The following ATP1A4 variants were observed in gnomAD, a reference collection of about 807,000 sequenced individuals.
ATP1A4 encodes the protein ATPase Na+/K+ transporting subunit alpha 4, also known as sodium/potassium-transporting ATPase subunit alpha-4.
A neutral mutation model predicts 114.3 loss-of-function variants in ATP1A4; 90 were observed. The ratio of observed to expected loss-of-function variants is 0.79; its 90% CI spans 0.66 to 0.94. The LOEUF is 0.94. ATP1A4 is among the 40% of genes least tolerant of loss of function. The probability of loss-of-function intolerance (pLI) is 0.00; values close to 1 mark genes in which losing one functional copy is unlikely to be tolerated. For missense variants in ATP1A4, 1,222 were observed against 1,313.6 expected (o/e 0.93, Z 1.08); for synonymous variants, 511 against 494.1 (o/e 1.03, Z -0.45).
intron 7 of ATP1A4, among the ~76,000 whole-genome samples, chr1:160,165,392 T>C (rs1019877407): frequency 6.6e-6 from 1 of 152,228 alleles, no homozygotes; most frequent in African/African-American, 2.4e-5. Flanking sequence ...AACAAAAGTC[T>C]TTTGGTTTAA....
intron 17 of ATP1A4, 77 bp downstream of exon 17, chr1:160,176,679 G>A (rs1571031589): frequency 1.3e-6 from 2 of 1,572,010 alleles, no homozygotes; most frequent in East Asian, 4.6e-5. Flanking sequence ...ATCTCAGTTT[G>A]GAAGTCAGGG....
chr1:160,162,633 A>G (rs1286558797), intron 6 of ATP1A4, among the ~76,000 whole-genome samples: 1 of 152,218 alleles, frequency 6.6e-6, no homozygotes, highest in Non-Finnish European at 1.5e-5. Flanking sequence ...TACCCACTGC[A>G]TGCCAGTAGG....
At chr1:160,154,252 G>A (rs1249441880) in intron 2 of ATP1A4, among the ~76,000 whole-genome samples, 1 of 152,010 alleles carries the variant, frequency 6.6e-6, no homozygotes, top group Non-Finnish European at 1.5e-5. Context: ...TACTTGGGAG[G>A]CTGAGGCAGG....
intron 10 of ATP1A4, 165 bp from the exon 11 acceptor site, chr1:160,171,086 A>T: frequency 1.8e-6 from 1 of 570,858 alleles, no homozygotes; most frequent in South Asian, 3.1e-5. Flanking sequence ...AAAAAGGAGG[A>T]GGGGCTGGGT....
In ATP1A4 at chr1:160,153,181, C is replaced by T. The variant is rs150340260; in HGVS notation, c.164C>T (p.Thr55Ile). Residue 55 changes from threonine (T) to isoleucine (I), a missense_variant, in exon 2 of 22, where the codon ACC becomes ATC. Thr to Ile is a moderately conservative substitution (Grantham distance 89). Transcript: ENST00000368081. Reference sequence around the variant, plus strand: ...TCCCCTCAGGATGATCACAAATTAACCTTGGAAGAGCTGAGCACCAAGTAC... The same window carrying T: ...TCCCCTCAGGATGATCACAAATTAATCTTGGAAGAGCTGAGCACCAAGTAC... Reference protein sequence around the residue: ...KEVVMDDHKLTLEELSTKYSV... With the variant: ...KEVVMDDHKLILEELSTKYSV... 6 of 1,613,972 alleles carry T rather than the reference C, an allele frequency of 3.7e-6. No homozygotes were observed. The highest frequency in any genetic ancestry group is 2.2e-5 in the East Asian group (1 of 44,880).
rs1653503905 is a variant in ATP1A4, at chr1:160,177,292, G to T, written c.2591-227G>T. On this transcript the variant is annotated intron_variant, in intron 17 of 21. Coordinates refer to ENST00000368081, the MANE Select transcript of ATP1A4 (RefSeq NM_144699.4). Reference sequence around the variant, plus strand: ...TTTTAAGACCATGTGATTCAAAGCTGACTCTGGGTCAGAGTTTAGAAACAA... The same window carrying T: ...TTTTAAGACCATGTGATTCAAAGCTTACTCTGGGTCAGAGTTTAGAAACAA... 8.1e-6 allele frequency: 4 copies of T among 495,806 alleles called. No homozygotes were observed. In the East Asian group the frequency reaches 1.3e-4, roughly 16 times the overall value. The allele number at this position is 495,806 out of a possible 1,614,324, so 30.7% of individuals were successfully genotyped here.
chr1:160,170,544 G>T (rs1571024345), intron 10 of ATP1A4: 3 of 150,802 alleles, frequency 2.0e-5, no homozygotes, highest in African/African-American at 7.3e-5. Flanking sequence ...AGGTCATAAT[G>T]CATTCTTGCT....
At position 160,155,117 on chromosome 1, in the gene ATP1A4, A is replaced by G; in HGVS notation, c.280A>G (p.Thr94Ala). 6.3e-7 allele frequency: 1 copy of G among 1,589,482 alleles called. No homozygotes were observed. The highest frequency in any genetic ancestry group is 8.6e-7 in the Non-Finnish European group (1 of 1,165,074). Residue 94 changes from threonine (T) to alanine (A), a missense_variant, in exon 3 of 22, where the codon ACT (threonine) becomes GCT (alanine). Physicochemically the swap from Thr to Ala is moderately conservative, Grantham distance 58. Transcript: ENST00000368081. Reference protein sequence around the residue: ...GPNTVTPPPTTPEWVKFCKQL... With the variant: ...GPNTVTPPPTAPEWVKFCKQL... ...CAATACTGTTACCCCACCCCCCACC[A>G]CTCCAGAATGGGTCAAATTCTGTAA...
chr1:160,160,440 C>T (rs1026359237), intron 6 of ATP1A4, among the ~76,000 whole-genome samples: 1 of 152,200 alleles, frequency 6.6e-6, no homozygotes, highest in Non-Finnish European at 1.5e-5. Context: ...TGGTCTCGAA[C>T]TACTGACCTC....
At chr1:160,171,178 C>T (rs973590036) in intron 10 of ATP1A4, 73 bp from the exon 11 acceptor site, 44 of 1,382,092 alleles carry the variant, frequency 3.2e-5, no homozygotes, top group Non-Finnish European at 4.0e-5. Flanking sequence ...ACCTTTGAAA[C>T]CTTCCCCTTC....
intron 1 of ATP1A4, 42 bp from the exon 2 acceptor site, chr1:160,153,123 T>A: frequency 6.4e-7 from 1 of 1,562,596 alleles, no homozygotes; most frequent in East Asian, 2.2e-5. Flanking sequence ...GGAAATGACC[T>A]GGGCCACCCC....
Position 160,167,497 on chromosome 1 carries a change from C to T in ATP1A4, c.1491+85C>T, listed in dbSNP as rs560271266. The stretch of plus-strand genomic sequence containing the variant: ...AGGGGAGCTTTGCCTCTGCCTTCAA[C>T]TTCACCTCGGAGAAGCAGAGGAGCT... On this transcript the variant is annotated intron_variant, in intron 10 of 21. Coordinates refer to ENST00000368081, the MANE Select transcript of ATP1A4 (RefSeq NM_144699.4). 74 of 1,562,290 alleles carry T rather than the reference C, an allele frequency of 4.7e-5. 1 individual carries two copies. In the African/African-American group the frequency reaches 7.3e-4, roughly 15 times the overall value.
chr1:160,171,741 G>T lies in ATP1A4; in HGVS notation c.1838G>T (p.Arg613Leu). ...GTGCCTGATGCTGTGAGCAAGTGTC[G>T]CAGTGCAGGAATTAAGGTAAATACT... is the stretch of plus-strand genomic sequence containing the variant. ...AAVPDAVSKC[R>L]SAGIKVIMVT... Residue 613 changes from arginine (R) to leucine (L), a missense_variant, in exon 12 of 22, where the codon CGC (arginine) becomes CTC (leucine). Arg to Leu is a moderately radical substitution (Grantham distance 102). Transcript: ENST00000368081. 6.2e-7 allele frequency: 1 copy of T among 1,614,038 alleles called. No homozygotes were observed.
At chr1:160,174,490 C>T in intron 14 of ATP1A4, 89 bp from the exon 15 acceptor site, 1 of 1,536,328 alleles carries the variant, frequency 6.5e-7, no homozygotes, top group Non-Finnish European at 8.8e-7. Flanking sequence ...CATCAGGAAA[C>T]AAGGGATGCA....
chr1:160,174,138 T>C lies in ATP1A4; in HGVS notation c.2019T>C (p.Gly673=). The C allele has an allele frequency of 1.2e-6, 2 of 1,614,188 alleles. No individual in the cohort carries two copies. Among genetic ancestry groups the C allele is most frequent in the African/African-American group, 1.3e-5 (1 of 75,030 alleles). ...CTGCCAAAGCCATTGTGGTGCATGGTGCAGAACTGAAGGACATACAGTCCA... is the reference window on the plus strand; with the variant it reads ...CTGCCAAAGCCATTGTGGTGCATGGCGCAGAACTGAAGGACATACAGTCCA... ...ASAAKAIVVH[G]AELKDIQSKQ... Residue 673 remains glycine (G), a synonymous_variant, in exon 14 of 22, where the codon GGT becomes GGC. Transcript: ENST00000368081.
intron 18 of ATP1A4, among the ~76,000 whole-genome samples, chr1:160,181,034 C>T (rs371818876): frequency 3.9e-4 from 60 of 152,050 alleles, no homozygotes; most frequent in African/African-American, 1.4e-3. Flanking sequence ...TTTCTAACTC[C>T]ACCTTCTTCT....
Position 160,166,590 on chromosome 1 carries a change from G to T in ATP1A4, c.1110G>T (p.Glu370Asp). Residue 370 changes from glutamate (E) to aspartate (D), a missense_variant, in exon 8 of 22, where the codon GAG becomes GAT. Physicochemically the swap from Glu to Asp is conservative, Grantham distance 45. Transcript: ENST00000368081. ...ARKNCLVKNL[E>D]AVETLGSTST... is the part of the protein sequence containing the mutation. The stretch of plus-strand genomic sequence containing the variant: ...AGAACTGCCTGGTGAAGAACCTGGA[G>T]GCGGTGGAGACGCTGGGCTCCACGT... 1 of 1,614,258 alleles carries T rather than the reference G, an allele frequency of 6.2e-7. No individual in the cohort carries two copies. The highest frequency in any genetic ancestry group is 8.5e-7 in the Non-Finnish European group (1 of 1,180,042).
At chr1:160,175,003 T>C (rs182746181) in intron 15 of ATP1A4, among the ~76,000 whole-genome samples, 2 of 152,320 alleles carry the variant, frequency 1.3e-5, no homozygotes, top group Non-Finnish European at 2.9e-5. Flanking sequence ...AGACTGAGAC[T>C]CTGGTATACA....
intron 12 of ATP1A4, among the ~76,000 whole-genome samples, chr1:160,172,639 A>G (rs1653305695): frequency 6.6e-6 from 1 of 152,128 alleles, no homozygotes; most frequent in African/African-American, 2.4e-5. Flanking sequence ...AGATATAGAC[A>G]CCTTCCGTGC....
Sources: allele counts gnomAD v4.1 joint callset (sites outside exome capture counted in the v4.1 genomes callset), GRCh38; gene constraint gnomAD v4.1.1; transcripts MANE v1.5; gene names NCBI Gene and HGNC (gene_info 2026-07-23, HGNC 2026-07-21).